The following ZBTB24 variants were observed in gnomAD, a reference collection of about 807,000 sequenced individuals.
The protein encoded by ZBTB24 is zinc finger and BTB domain containing 24.
Under a neutral mutation model 53.8 loss-of-function variants are expected in ZBTB24, and 32 were observed. That is an observed-to-expected ratio of 0.60 (90% confidence interval 0.45 to 0.80). The LOEUF is 0.80. ZBTB24 is among the 30% of genes least tolerant of loss of function. The pLI is 0.00. For missense variants in ZBTB24, 722 were observed against 837.1 expected (o/e 0.86, Z 1.70); for synonymous variants, 297 against 306.7 (o/e 0.97, Z 0.33).
intron 4 of ZBTB24, 56 bp downstream of exon 4, chr6:109,476,119 A>G: frequency 6.3e-7 from 1 of 1,587,478 alleles, no homozygotes; most frequent in Non-Finnish European, 8.6e-7. Flanking sequence ...TGTTTCAGAA[A>G]CAATTCTTAT....
rs552771566 is a variant in ZBTB24 at position 109,466,569 on chromosome 6, T to C, written c.1376A>G (p.Glu459Gly). 18 of 1,611,048 alleles carry C rather than the reference T, an allele frequency of 1.1e-5. No individual in the cohort carries two copies. Among genetic ancestry groups the C allele is most frequent in the Non-Finnish European group, 1.4e-5 (17 of 1,180,022 alleles). ...ACAAATGCCACAGGAGTATGGCTTTTCTCCTCTGTAAGAAAATAAACATTT... is the reference window on the plus strand; with the variant it reads ...ACAAATGCCACAGGAGTATGGCTTTCCTCCTCTGTAAGAAAATAAACATTT... Reference protein sequence around the residue: ...LQTHIRIHRGEKPYSCGICGK... With the variant: ...LQTHIRIHRGGKPYSCGICGK... The change falls in exon 7 of 7, where the codon GAA (glutamate) becomes GGA (glycine). Residue 459 changes from glutamate to glycine, a missense_variant. Coordinates refer to ENST00000230122, the MANE Select transcript of ZBTB24 (RefSeq NM_014797.3).
intron 2 of ZBTB24, among the ~76,000 whole-genome samples, chr6:109,479,490 T>C (rs968074851): frequency 2.0e-5 from 3 of 152,234 alleles, no homozygotes; most frequent in Admixed American, 6.5e-5. Flanking sequence ...TTTCACACTA[T>C]TGTAAAGATG....
chr6:109,474,907 G>A (rs1776249145), intron 5 of ZBTB24, among the ~76,000 whole-genome samples: 1 of 151,782 alleles, frequency 6.6e-6, no homozygotes, highest in East Asian at 1.9e-4. Context: ...AGGTAGTGTG[G>A]TGGTTTGCAC....
Position 109,470,962 on chromosome 6 carries a change from C to T in ZBTB24, c.1289-3228G>A, listed in dbSNP as rs866436990. Among the ~76,000 whole-genome samples, 4 of 152,210 alleles carry T rather than the reference C, an allele frequency of 2.6e-5. No homozygotes were observed. The South Asian group carries it at 8.3e-4, about 32-fold the overall frequency. On this transcript the variant is annotated intron_variant, in intron 5 of 6. Coordinates refer to ENST00000230122, the MANE Select transcript of ZBTB24 (RefSeq NM_014797.3). ...ACTGCCCCAAATTTACCTATCTAAT[C>T]CCCTCCTGGGACATTCAGGTGGCTG...
intron 5 of ZBTB24, among the ~76,000 whole-genome samples, chr6:109,474,311 T>C (rs2045481657): frequency 6.6e-6 from 1 of 152,188 alleles, no homozygotes; most frequent in Admixed American, 6.5e-5. Flanking sequence ...CTCCTCGTCA[T>C]CTCTGAAACT....
At chr6:109,482,329 G>T (rs1284661360) in intron 1 of ZBTB24, among the ~76,000 whole-genome samples, 1 of 152,014 alleles carries the variant, frequency 6.6e-6, no homozygotes, top group Non-Finnish European at 1.5e-5. Context: ...AGCCTGGCGT[G>T]GTGGCGCCCG....
At chr6:109,478,341 C>T (rs28635303) in intron 2 of ZBTB24, among the ~76,000 whole-genome samples, 7,154 of 152,230 alleles carry the variant, frequency 0.047, 196 homozygotes, top group South Asian at 0.09. Context: ...ACAGCTTAGG[C>T]GGTATATAAG....
rs141730221 is a variant in ZBTB24 at position 109,471,110 on chromosome 6, A to G, written c.1289-3376T>C. Among the ~76,000 whole-genome samples, 3 of 152,344 alleles carry G rather than the reference A, an allele frequency of 2.0e-5. No homozygotes were observed. The East Asian group carries it at 5.8e-4, about 29-fold the overall frequency. The stretch of plus-strand genomic sequence containing the variant: ...AAAAGTTCCTTCCAGGGGGTTCCCA[A>G]ATTATATTCCCACCAACAATAAATA... On this transcript the variant is annotated intron_variant, in intron 5 of 6. Coordinates refer to ENST00000230122, the MANE Select transcript of ZBTB24 (RefSeq NM_014797.3).
At chr6:109,471,172 C>CA (rs1242467030) in intron 5 of ZBTB24, among the ~76,000 whole-genome samples, 1 of 151,866 alleles carries the variant, frequency 6.6e-6, no homozygotes, top group East Asian at 1.9e-4. Context: ...CCAATCTTGG[C>CA]AAAAAAGGGA....
chr6:109,470,120 T>TA (rs1368046783), intron 5 of ZBTB24, among the ~76,000 whole-genome samples: 1 of 152,054 alleles, frequency 6.6e-6, no homozygotes, highest in African/African-American at 2.4e-5. Context: ...CGGAGAAGGA[T>TA]AAGGTAATAG....
Position 109,463,375 on chromosome 6 carries a change from T to C in ZBTB24, c.*2476A>G, listed in dbSNP as rs1447814211. The C allele has an allele frequency of 6.6e-6, 1 of 152,214 alleles. No homozygotes were observed. The highest frequency in any genetic ancestry group is 1.5e-5 in the Non-Finnish European group (1 of 68,032). The allele number at this position is 152,214 out of a possible 1,614,324, so 9.4% of individuals were successfully genotyped here. Reference sequence around the variant, plus strand: ...CAAAGCTATCATTTCCTTGTTTCTCTTTGACAGCTGGTCAAATAATTCAGG... The same window carrying C: ...CAAAGCTATCATTTCCTTGTTTCTCCTTGACAGCTGGTCAAATAATTCAGG... On this transcript the variant is annotated 3_prime_UTR_variant, in exon 7 of 7. Coordinates refer to ENST00000230122, the MANE Select transcript of ZBTB24 (RefSeq NM_014797.3).
chr6:109,469,361 A>G (rs1389212870), intron 5 of ZBTB24, among the ~76,000 whole-genome samples: 1 of 152,194 alleles, frequency 6.6e-6, no homozygotes, highest in African/African-American at 2.4e-5. Context: ...CATTAACTAT[A>G]CCATTCAGCT....
At chr6:109,473,882 C>T (rs1161673844) in intron 5 of ZBTB24, among the ~76,000 whole-genome samples, 2 of 151,528 alleles carry the variant, frequency 1.3e-5, no homozygotes, top group East Asian at 1.9e-4. Flanking sequence ...GGAGTTTGAG[C>T]GAGACCAGCC....
rs1776258723 is a variant in ZBTB24, at chr6:109,475,407, G to T, written c.1280C>A (p.Thr427Lys). The change falls in exon 5 of 7, where the codon ACA becomes AAA. Residue 427 changes from threonine to lysine, a missense_variant. Transcript: ENST00000230122. ...DVSQLKKHLR[T>K]HTGEKPFTCE... is the part of the protein sequence containing the mutation. ...ACGAGATGGAGTTTTACCTGTGTGT[G>T]TTCGCAGATGTTTCTTTAGCTGAGA... 2 of 1,614,038 alleles carry T rather than the reference G, an allele frequency of 1.2e-6. No homozygotes were observed. The highest frequency in any genetic ancestry group is 3.3e-5 in the Admixed American group (2 of 60,004).
At chr6:109,477,963 TACTG>T (rs1379735180) in intron 2 of ZBTB24, among the ~76,000 whole-genome samples, 4 of 152,216 alleles carry the variant, frequency 2.6e-5, no homozygotes, top group African/African-American at 9.7e-5. Context: ...ACTGTTTCAG[TACTG>T]ACTGAGTGGT....
chr6:109,467,816 A>G (rs1776082096), intron 5 of ZBTB24, 82 bp from the exon 6 acceptor site: 1 of 1,483,270 alleles, frequency 6.7e-7, no homozygotes, highest in African/African-American at 1.4e-5. Context: ...ACAAAATTAA[A>G]AAAACACTTC....
At chr6:109,481,006 G>C (rs770139454) in intron 2 of ZBTB24, 69 bp downstream of exon 2, 55 of 1,587,648 alleles carry the variant, frequency 3.5e-5, no homozygotes, top group Non-Finnish European at 4.6e-5. Flanking sequence ...ACAGTAAATG[G>C]AAGCTATTAT....
chr6:109,477,230 G>A (rs1376254918), intron 2 of ZBTB24, among the ~76,000 whole-genome samples: 1 of 152,156 alleles, frequency 6.6e-6, no homozygotes, highest in African/African-American at 2.4e-5. Context: ...CAACCTCCTG[G>A]GAACAAATGA....
At chr6:109,475,741 C>T (rs1776264689) in intron 4 of ZBTB24, among the ~76,000 whole-genome samples, 1 of 152,198 alleles carries the variant, frequency 6.6e-6, no homozygotes, top group Non-Finnish European at 1.5e-5. Flanking sequence ...GTGACTGAGG[C>T]CACAAATGAC....
Sources: gnomAD v4.1 joint callset for allele counts (sites outside exome capture counted in the v4.1 genomes callset) on GRCh38, gnomAD v4.1.1 for gene constraint, MANE v1.5 for transcripts, NCBI Gene and HGNC (gene_info 2026-07-23, HGNC 2026-07-21) for gene names.